The following ASIC2 variants were observed in gnomAD, a reference collection of about 807,000 sequenced individuals.
ASIC2 encodes the protein acid-sensing ion channel 2.
Under a neutral mutation model 57.3 loss-of-function variants are expected in ASIC2, and 25 were observed. The observed-to-expected ratio is 0.44, with a 90% CI of 0.32 to 0.61. The LOEUF (loss-of-function observed/expected upper bound fraction) is 0.61, where lower values mean the gene tolerates loss of function less well. Among genes scored for constraint, ASIC2 ranks in the 20% least tolerant of loss-of-function variants. The pLI, the probability that ASIC2 is intolerant of heterozygous loss-of-function variation, is 0.06. For missense variants in ASIC2, 641 were observed against 738.1 expected, an observed-to-expected ratio of 0.87 and a Z score of 1.52; for synonymous variants, 319 against 307.5, an observed-to-expected ratio of 1.04 and a Z score of -0.39.
At chr17:33,921,872 C>T (rs1915715970) in intron 1 of ASIC2, among the ~76,000 whole-genome samples, 1 of 152,162 alleles carries the variant, frequency 6.6e-6, no homozygotes, top group Admixed American at 6.5e-5. Context: ...TGAATATTAT[C>T]AAATGGGCTT....
chr17:33,714,736 A>G (rs1176613850), intron 1 of ASIC2, among the ~76,000 whole-genome samples: 2 of 151,740 alleles, frequency 1.3e-5, no homozygotes, highest in Non-Finnish European at 1.5e-5. Flanking sequence ...ATATCTTTTT[A>G]GAAACCTAAA....
chr17:33,195,317 T>C (rs2142072381), intron 1 of ASIC2, among the ~76,000 whole-genome samples: 1 of 152,182 alleles, frequency 6.6e-6, no homozygotes, highest in East Asian at 1.9e-4. Flanking sequence ...GGGAAAGCAC[T>C]CCATATCTGC....
intron 1 of ASIC2, among the ~76,000 whole-genome samples, chr17:33,630,619 C>G (rs1340354608): frequency 1.3e-5 from 2 of 152,206 alleles, no homozygotes; most frequent in Non-Finnish European, 2.9e-5. Flanking sequence ...AATCCTAGCT[C>G]TGACACTCCC....
chr17:33,325,865 A>G (rs901114099), intron 1 of ASIC2, among the ~76,000 whole-genome samples: 1 of 152,180 alleles, frequency 6.6e-6, no homozygotes, highest in Admixed American at 6.5e-5. Context: ...ATGGATGATT[A>G]TGACTGCTAG....
At chr17:33,540,458 G>A (rs1041325098) in intron 1 of ASIC2, among the ~76,000 whole-genome samples, 3 of 150,204 alleles carry the variant, frequency 2.0e-5, no homozygotes, top group African/African-American at 7.6e-5. Context: ...AAGAATGGGA[G>A]GTGGCATAAA....
At chr17:33,243,862 G>C (rs1483447601) in intron 1 of ASIC2, among the ~76,000 whole-genome samples, 1 of 152,180 alleles carries the variant, frequency 6.6e-6, no homozygotes, top group African/African-American at 2.4e-5. Context: ...TCTGAAAGAA[G>C]GACAATCTAA....
chr17:33,127,843 C>T (rs1424315607), intron 1 of ASIC2, among the ~76,000 whole-genome samples: 1 of 152,164 alleles, frequency 6.6e-6, no homozygotes, highest in African/African-American at 2.4e-5. Flanking sequence ...AAGCAAACGC[C>T]CCTGCTTAAA....
chr17:33,945,523 C>T (rs1034433971), intron 1 of ASIC2, among the ~76,000 whole-genome samples: 10 of 152,050 alleles, frequency 6.6e-5, no homozygotes, highest in South Asian at 2.1e-4. Flanking sequence ...TGTTGCTAAC[C>T]GAGAATGCCC....
At chr17:34,137,038 T>C (rs1247093184) in intron 1 of ASIC2, among the ~76,000 whole-genome samples, 2 of 152,234 alleles carry the variant, frequency 1.3e-5, no homozygotes, top group Non-Finnish European at 2.9e-5. Context: ...ACCTTTCCCA[T>C]GAAGTCTTTC....
At chr17:33,184,891 T>C (rs901060451) in intron 1 of ASIC2, among the ~76,000 whole-genome samples, 1 of 152,186 alleles carries the variant, frequency 6.6e-6, no homozygotes, top group African/African-American at 2.4e-5. Context: ...TGGCATCAGC[T>C]TAATACAAGC....
At chr17:33,363,915 C>T (rs1226975750) in intron 1 of ASIC2, among the ~76,000 whole-genome samples, 6 of 152,208 alleles carry the variant, frequency 3.9e-5, no homozygotes, top group Non-Finnish European at 7.3e-5. Flanking sequence ...GTACCACCTG[C>T]AGCCAGCCTC....
chr17:33,473,352 G>A (rs1291233133), intron 1 of ASIC2, among the ~76,000 whole-genome samples: 2 of 152,172 alleles, frequency 1.3e-5, no homozygotes, highest in Non-Finnish European at 2.9e-5. Flanking sequence ...CTGTAATAAT[G>A]CCAGTGACAT....
intron 1 of ASIC2, among the ~76,000 whole-genome samples, chr17:33,162,238 A>G (rs1158901781): frequency 6.6e-6 from 1 of 152,146 alleles, no homozygotes; most frequent in Non-Finnish European, 1.5e-5. Flanking sequence ...TACAGATACA[A>G]TGAGCTCCTG....
intron 1 of ASIC2, among the ~76,000 whole-genome samples, chr17:33,948,294 C>T (rs936284836): frequency 2.6e-5 from 4 of 152,236 alleles, no homozygotes; most frequent in Non-Finnish European, 2.9e-5. Context: ...GAGCCTCACT[C>T]GGCACCACAG....
chr17:33,293,714 T>C (rs1046692052), upstream of ASIC2, among the ~76,000 whole-genome samples: 1 of 152,108 alleles, frequency 6.6e-6, no homozygotes, highest in South Asian at 2.1e-4. Context: ...TGGGCATTTC[T>C]GTGAAACTCT....
intron 1 of ASIC2, among the ~76,000 whole-genome samples, chr17:33,633,060 T>C (rs1265780165): frequency 1.3e-5 from 2 of 152,194 alleles, no homozygotes; most frequent in East Asian, 3.9e-4. Flanking sequence ...CCTCCTCCCC[T>C]AGAAACATCA....
chr17:33,077,900 T>G (rs1037908742), intron 3 of ASIC2, among the ~76,000 whole-genome samples: 1 of 152,168 alleles, frequency 6.6e-6, no homozygotes, highest in Non-Finnish European at 1.5e-5. Context: ...GTGTTGGTGA[T>G]TCTTTAAACT....
intron 1 of ASIC2, among the ~76,000 whole-genome samples, chr17:33,738,786 C>T (rs1342999486): frequency 6.6e-6 from 1 of 152,216 alleles, no homozygotes; most frequent in Non-Finnish European, 1.5e-5. Flanking sequence ...CTTCTGGGCT[C>T]TCCCGCTAGA....
intron 1 of ASIC2, among the ~76,000 whole-genome samples, chr17:33,693,243 CTTGTT>C (rs150702407): frequency 0.053 from 8,041 of 152,252 alleles, 699 homozygotes; most frequent in African/African-American, 0.18. Flanking sequence ...TTCAGCTCAT[CTTGTT>C]TTGTTTCAAA....
Sources: allele counts gnomAD v4.1 joint callset (sites outside exome capture counted in the v4.1 genomes callset), GRCh38; gene constraint gnomAD v4.1.1; transcripts MANE v1.5; gene names NCBI Gene and HGNC (gene_info 2026-07-23, HGNC 2026-07-21).